The following PXDNL variants were observed in gnomAD, a reference collection of about 807,000 sequenced individuals.
PXDNL encodes peroxidasin like, also known as probable oxidoreductase PXDNL.
PXDNL carries 145 observed loss-of-function variants against 150.8 expected under a neutral mutation model. That is an observed-to-expected ratio of 0.96 (90% CI 0.84 to 1.10). PXDNL has a LOEUF of 1.10. Ranked by LOEUF, PXDNL falls within the 50% of genes least tolerant of loss-of-function variation. PXDNL has a pLI of 0.00. For missense variants in PXDNL, 2,087 were observed against 1,873.9 expected, an observed-to-expected ratio of 1.11 and a Z score of -2.10; for synonymous variants, 757 against 725.7, an observed-to-expected ratio of 1.04 and a Z score of -0.69.
intron 19 of PXDNL, among the ~76,000 whole-genome samples, chr8:51,357,897 G>A (rs1294351427): frequency 6.6e-6 from 1 of 152,086 alleles, no homozygotes; most frequent in Non-Finnish European, 1.5e-5. Context: ...AGACCTTGAT[G>A]AATTATAATG....
intron 1 of PXDNL, among the ~76,000 whole-genome samples, chr8:51,808,035 A>T (rs953405928): frequency 6.6e-6 from 1 of 152,244 alleles, no homozygotes; most frequent in African/African-American, 2.4e-5. Flanking sequence ...AAAATTAATG[A>T]AATGCTTTAT....
intron 1 of PXDNL, among the ~76,000 whole-genome samples, chr8:51,663,466 C>CTATTA (rs1815317098): frequency 6.6e-6 from 1 of 152,080 alleles, no homozygotes; most frequent in Non-Finnish European, 1.5e-5. Flanking sequence ...CTTACAAACA[C>CTATTA]CCTTTATTTC....
chr8:51,541,559 C>T (rs7011075), intron 4 of PXDNL, among the ~76,000 whole-genome samples: 5,097 of 152,182 alleles, frequency 0.033, 283 homozygotes, highest in African/African-American at 0.12. Flanking sequence ...TAGTTTCCTC[C>T]GACACGTGCA....
At chr8:51,362,010 A>T (rs1975113) in intron 19 of PXDNL, among the ~76,000 whole-genome samples, 1 of 149,002 alleles carries the variant, frequency 6.7e-6, no homozygotes, top group Non-Finnish European at 1.5e-5. Context: ...ATTAGTCTTA[A>T]CTAGGGATGC....
At chr8:51,538,037 T>C (rs1292559291) in intron 4 of PXDNL, among the ~76,000 whole-genome samples, 1 of 152,182 alleles carries the variant, frequency 6.6e-6, no homozygotes, top group Non-Finnish European at 1.5e-5. Context: ...TTACAAAGAA[T>C]TGCATAATGC....
At chr8:51,633,596 C>CTATG (rs1463291727) in intron 2 of PXDNL, among the ~76,000 whole-genome samples, 8 of 152,072 alleles carry the variant, frequency 5.3e-5, no homozygotes, top group Non-Finnish European at 1.2e-4. Flanking sequence ...CTGCAGTGAG[C>CTATG]TATGGTCATG....
At chr8:51,359,333 A>G (rs1210608374) in intron 19 of PXDNL, among the ~76,000 whole-genome samples, 1 of 152,242 alleles carries the variant, frequency 6.6e-6, no homozygotes, top group Non-Finnish European at 1.5e-5. Flanking sequence ...AAATGATGTC[A>G]TAAAACTTAA....
intron 1 of PXDNL, among the ~76,000 whole-genome samples, chr8:51,730,359 C>A (rs1453903006): frequency 6.6e-6 from 1 of 152,152 alleles, no homozygotes; most frequent in African/African-American, 2.4e-5. Context: ...ATTTCAAAAC[C>A]AATTTTTATG....
chr8:51,381,718 A>G (rs1472455677), intron 17 of PXDNL, among the ~76,000 whole-genome samples: 1 of 151,262 alleles, frequency 6.6e-6, no homozygotes, highest in Non-Finnish European at 1.5e-5. Flanking sequence ...CAGTGGTGCA[A>G]TCTCGGCTAC....
intron 21 of PXDNL, among the ~76,000 whole-genome samples, chr8:51,323,908 C>T (rs1187338488): frequency 7.2e-6 from 1 of 137,990 alleles, no homozygotes; most frequent in African/African-American, 3.0e-5. Flanking sequence ...AAGAGCAAAA[C>T]TTCATCTCAA....
intron 1 of PXDNL, among the ~76,000 whole-genome samples, chr8:51,696,346 A>G (rs13277004): frequency 6.6e-6 from 1 of 152,086 alleles, no homozygotes; most frequent in African/African-American, 2.4e-5. Flanking sequence ...TTGCTCTGCC[A>G]TGTGAGGACA....
intron 17 of PXDNL, among the ~76,000 whole-genome samples, chr8:51,377,033 GCTAGAGCATC>G (rs1171449131): frequency 6.6e-6 from 1 of 151,598 alleles, no homozygotes; most frequent in African/African-American, 2.4e-5. Context: ...CTCTTTAAGT[GCTAGAGCATC>G]CTTAATTTCA....
intron 1 of PXDNL, among the ~76,000 whole-genome samples, chr8:51,801,771 G>C (rs1173475222): frequency 2.0e-5 from 3 of 152,146 alleles, no homozygotes; most frequent in Non-Finnish European, 4.4e-5. Context: ...TATTGTGGCT[G>C]GACTGGTAGG....
intron 4 of PXDNL, among the ~76,000 whole-genome samples, chr8:51,556,026 C>A (rs146517072): frequency 6.6e-6 from 1 of 152,142 alleles, no homozygotes; most frequent in Non-Finnish European, 1.5e-5. Flanking sequence ...AATCTCAGCA[C>A]TTTGGGAATC....
chr8:51,441,827 G>C (rs1809558186), intron 12 of PXDNL, among the ~76,000 whole-genome samples: 1 of 152,158 alleles, frequency 6.6e-6, no homozygotes, highest in South Asian at 2.1e-4. Flanking sequence ...GGTAAGATTG[G>C]CTGAAAGACC....
intron 2 of PXDNL, among the ~76,000 whole-genome samples, chr8:51,619,449 C>G (rs1403698895): frequency 6.6e-6 from 1 of 152,162 alleles, no homozygotes; most frequent in East Asian, 1.9e-4. Context: ...TGATTTGGGT[C>G]TGTGTTCCCA....
At chr8:51,576,384 A>C (rs771469801) in intron 3 of PXDNL, among the ~76,000 whole-genome samples, 8 of 151,926 alleles carry the variant, frequency 5.3e-5, no homozygotes, top group Non-Finnish European at 5.9e-5. Context: ...TAACAGGAGA[A>C]TATCTAAACA....
intron 1 of PXDNL, among the ~76,000 whole-genome samples, chr8:51,747,137 T>G (rs954474583): frequency 3.3e-5 from 5 of 152,236 alleles, no homozygotes; most frequent in African/African-American, 1.2e-4. Flanking sequence ...GATGGAGTTT[T>G]GTTTGTCGAT....
At chr8:51,481,255 A>G (rs778840524) in intron 6 of PXDNL, among the ~76,000 whole-genome samples, 9 of 152,124 alleles carry the variant, frequency 5.9e-5, no homozygotes, top group Non-Finnish European at 1.2e-4. Flanking sequence ...ACTTGTTGGG[A>G]ACTGGAGTGA....
Sources: allele counts gnomAD v4.1 joint callset (sites outside exome capture counted in the v4.1 genomes callset), GRCh38; gene constraint gnomAD v4.1.1; transcripts MANE v1.5; gene names NCBI Gene and HGNC (gene_info 2026-07-23, HGNC 2026-07-21).